The following APOB variants were observed in gnomAD, a reference collection of about 807,000 sequenced individuals.
APOB encodes apolipoprotein B-100.
APOB carries 153 observed loss-of-function variants against 314.1 expected under a neutral mutation model. That is an observed-to-expected ratio of 0.49 (90% confidence interval 0.43 to 0.56). APOB has a LOEUF of 0.56. Ranked by LOEUF, APOB falls within the 20% of genes least tolerant of loss-of-function variation. The pLI is 0.00. For missense variants in APOB, 5,430 were observed against 5,350.7 expected (o/e 1.01, Z -0.46); for synonymous variants, 2,087 against 2,036.4 (o/e 1.02, Z -0.67).
chr2:21,001,794 T>G lies in APOB; in HGVS notation c.13628A>C (p.Gln4543Pro). The change falls in exon 29 of 29, where the codon CAA becomes CCA. Residue 4543 changes from glutamine to proline, a missense_variant. Gln to Pro is a moderately conservative substitution (Grantham distance 76). Around this residue, in one of 3 missense-constraint regions of APOB, gnomAD observed 3,281 missense variants for 3,171.0 expected, o/e 1.03. Transcript: ENST00000233242. ...IYITELLKKL[Q>P]STTVMNPYMK... ...GTAGGGGTTCATGACTGTGGTTGAT[T>G]GCAGCTTTTTCAGTAACTCCGTGAT... 1.2e-6 allele frequency: 2 copies of G among 1,614,078 alleles called. No individual in the cohort carries two copies. The highest frequency in any genetic ancestry group is 1.7e-6 in the Non-Finnish European group (2 of 1,179,958).
Position 21,043,967 on chromosome 2 carries a change from T to C in APOB, c.-22A>G. 2 of 1,223,238 alleles carry C rather than the reference T, an allele frequency of 1.6e-6. No individual in the cohort carries two copies. The highest frequency in any genetic ancestry group is 2.8e-5 in the South Asian group (1 of 36,360). The allele number at this position is 1,223,238 out of a possible 1,614,324, so 75.8% of individuals were successfully genotyped here. A position where few individuals can be genotyped will look rare whatever the true frequency, so the allele number is the denominator to read the frequency against. Reference sequence around the variant, plus strand: ...CCATCGCCAGCTGCGGTGGGGCGGCTCCTGGGCTGCGGCCTGGCCTCGGCC... The same window carrying C: ...CCATCGCCAGCTGCGGTGGGGCGGCCCCTGGGCTGCGGCCTGGCCTCGGCC... On this transcript the variant is annotated 5_prime_UTR_variant, in exon 1 of 29. Coordinates refer to ENST00000233242, the MANE Select transcript of APOB (RefSeq NM_000384.3).
intron 23 of APOB, 110 bp from the exon 24 acceptor site, chr2:21,014,703 T>C (rs1015025290): frequency 9.0e-7 from 1 of 1,116,502 alleles, no homozygotes; most frequent in Non-Finnish European, 1.3e-6. Flanking sequence ...AGCTGGACAA[T>C]GCACTGAAAG....
At position 21,004,678 on chromosome 2, in the gene APOB, G is replaced by A. The variant is rs1406663903; in HGVS notation, c.11789-3C>T. On this transcript the variant is annotated splice_region_variant and splice_polypyrimidine_tract_variant and intron_variant, in intron 26 of 28. Transcript: ENST00000233242. ...TTCGATTTTGTGTGTTCCCAAAACT[G>A]TATAGGAGAGATTTTGTATTTTATT... 2.5e-6 allele frequency: 4 copies of A among 1,599,182 alleles called. No individual in the cohort carries two copies. Among genetic ancestry groups the A allele is most frequent in the Non-Finnish European group, 3.4e-6 (4 of 1,166,600 alleles).
At chr2:21,043,794 GC>G in intron 1 of APOB, 69 bp downstream of exon 1, 2 of 1,523,532 alleles carry the variant, frequency 1.3e-6, no homozygotes, top group Non-Finnish European at 8.8e-7. Context: ...GGCCCAGGCT[GC>G]CCCGGCCAAC....
rs953666080 is a variant in APOB at position 21,016,898 on chromosome 2, G to A, written c.3122-249C>T. On this transcript the variant is annotated intron_variant, in intron 20 of 28. Transcript: ENST00000233242. The stretch of plus-strand genomic sequence containing the variant: ...ACTCAGGAGGCTGAGGCAGGAGAAT[G>A]GCATGAACCCGGGAGGCGGGGCTTG... 1.2e-4 allele frequency among the ~76,000 whole-genome samples: 18 copies of A among 151,850 alleles called. 1 individual carries two copies. Among genetic ancestry groups the A allele is most frequent in the East Asian group, 5.8e-4 (3 of 5,146 alleles).
chr2:21,007,363 A>G lies in APOB; in HGVS notation c.9505T>C (p.Phe3169Leu), dbSNP rs1187956647. The change falls in exon 26 of 29, where the codon TTT (phenylalanine) becomes CTT (leucine). Residue 3169 changes from phenylalanine (F) to leucine (L), a missense_variant. Phe to Leu is a conservative substitution (Grantham distance 22). Around this residue, in one of 3 missense-constraint regions of APOB, gnomAD observed 3,281 missense variants for 3,171.0 expected, o/e 1.03. Coordinates refer to ENST00000233242, the MANE Select transcript of APOB (RefSeq NM_000384.3). Reference protein sequence around the residue: ...KEFLKTTKQSFDLSVKAQYKK... With the variant: ...KEFLKTTKQSLDLSVKAQYKK... ...TACTGAGCTTTTACACTTAAATCAA[A>G]TGATTGCTTTGTCGTTTTCAAGAAT... The G allele has an allele frequency of 6.2e-7, 1 of 1,614,062 alleles. No homozygotes were observed. Among genetic ancestry groups the G allele is most frequent in the Non-Finnish European group, 8.5e-7 (1 of 1,179,962 alleles).
chr2:21,003,163 T>C lies in APOB; in HGVS notation c.12259A>G (p.Lys4087Glu), dbSNP rs764263862. The change falls in exon 29 of 29, where the codon AAG becomes GAG. Residue 4087 changes from lysine (K) to glutamate (E), a missense_variant. Physicochemically the swap from Lys to Glu is moderately conservative, Grantham distance 56. Transcript: ENST00000233242. ...AGCCCTGTGTGTTCCCAGTGGTACT[T>C]GTTGACATAATCATAAAGGACCCCT... ...ATGVLYDYVNKYHWEHTGLTL... is the reference protein window; with the variant it reads ...ATGVLYDYVNEYHWEHTGLTL... 6.2e-7 allele frequency: 1 copy of C among 1,613,870 alleles called. No homozygotes were observed. The highest frequency in any genetic ancestry group is 8.5e-7 in the Non-Finnish European group (1 of 1,179,918).
In APOB at chr2:21,032,398, C is replaced by A. The variant is rs1309219373; in HGVS notation, c.1308G>T (p.Gln436His). The A allele has an allele frequency of 6.2e-7, 1 of 1,614,038 alleles. No homozygotes were observed. ...LREIFNMARD[Q>H]RSRATLYALS... ...GCGCATACAAGGTGGCTCGGCTGCG[C>A]TGATCCCTCGCCATGTTGAAGATCT... is the stretch of plus-strand genomic sequence containing the variant. Residue 436 changes from glutamine (Q) to histidine (H), a missense_variant, in exon 10 of 29, where the codon CAG (glutamine) becomes CAT (histidine). Gln to His is a conservative substitution (Grantham distance 24, BLOSUM62 0). Coordinates refer to ENST00000233242, the MANE Select transcript of APOB (RefSeq NM_000384.3).
At chr2:21,038,200 C>T (rs1664052025) in intron 4 of APOB, 89 bp from the exon 5 acceptor site, 8 of 1,421,312 alleles carry the variant, frequency 5.6e-6, no homozygotes, top group Non-Finnish European at 7.9e-6. Context: ...TTTCTTTTCT[C>T]ATATTTTTTT....
chr2:21,022,456 T>TG (rs1037469208), intron 18 of APOB, among the ~76,000 whole-genome samples: 3 of 152,318 alleles, frequency 2.0e-5, no homozygotes, highest in Admixed American at 6.5e-5. Flanking sequence ...AGGTATTTTT[T>TG]GGGGGGGAAA....
intron 10 of APOB, among the ~76,000 whole-genome samples, chr2:21,031,296 G>A (rs1422922867): frequency 6.6e-6 from 1 of 152,200 alleles, no homozygotes; most frequent in Non-Finnish European, 1.5e-5. Context: ...CATGTCATTT[G>A]CAGCAACATG....
chr2:21,001,937 A>G lies in APOB; in HGVS notation c.13485T>C (p.Phe4495=), dbSNP rs749634224. 10 of 1,614,096 alleles carry G rather than the reference A, an allele frequency of 6.2e-6. No individual in the cohort carries two copies. Among genetic ancestry groups the G allele is most frequent in the Middle Eastern group, 1.6e-4 (1 of 6,062 alleles). Residue 4495 remains phenylalanine, a synonymous_variant, in exon 29 of 29, where the codon TTT becomes TTC. Transcript: ENST00000233242. ...CTGAAAAATCTTGCAGTTTATATCT[A>G]AACTGCTGGTGGTAATCAGAAATTA... ...KKIISDYHQQ[F]RYKLQDFSDQ...
intron 10 of APOB, among the ~76,000 whole-genome samples, chr2:21,030,438 T>C (rs12720777): frequency 1.1e-3 from 173 of 152,118 alleles, no homozygotes; most frequent in Non-Finnish European, 2.1e-3. Flanking sequence ...TGTCACCATA[T>C]AAAAAAATCA....
chr2:21,043,843 G>T, intron 1 of APOB, 21 bp downstream of exon 1: 3 of 1,529,998 alleles, frequency 2.0e-6, no homozygotes, highest in South Asian at 1.2e-5. Context: ...CTCTGCGCCC[G>T]CAGAGCGGCC....
rs1431653014 is a variant in APOB at position 21,008,206 on chromosome 2, T to C, written c.8662A>G (p.Lys2888Glu). 1 of 1,614,084 alleles carries C rather than the reference T, an allele frequency of 6.2e-7. No homozygotes were observed. Among genetic ancestry groups the C allele is most frequent in the Non-Finnish European group, 8.5e-7 (1 of 1,179,966 alleles). The change falls in exon 26 of 29, where the codon AAA becomes GAA. Residue 2888 changes from lysine (K) to glutamate (E), a missense_variant. Coordinates refer to ENST00000233242, the MANE Select transcript of APOB (RefSeq NM_000384.3). ...NNQLTLDSNT[K>E]YFHKLNIPKL... ...GGGATGTTCAATTTGTGGAAGTATT[T>C]AGTGTTGCTATCCAGGGTAAGCTGA...
chr2:21,013,026 A>G lies in APOB; in HGVS notation c.4216+134T>C, dbSNP rs528467703. On this transcript the variant is annotated intron_variant, in intron 25 of 28. Coordinates refer to ENST00000233242, the MANE Select transcript of APOB (RefSeq NM_000384.3). ...TAATAAATATTTCTATTTGTTGAAT[A>G]AAATAAAAGACTTCCAAGTAGCAAG... 2.8e-6 allele frequency: 3 copies of G among 1,069,188 alleles called. No homozygotes were observed. In the African/African-American group the frequency reaches 4.8e-5, roughly 17 times the overall value. The allele number at this position is 1,069,188 out of a possible 1,614,324, so 66.2% of individuals were successfully genotyped here.
chr2:21,038,705 C>T (rs769065662), intron 4 of APOB, among the ~76,000 whole-genome samples: 25 of 152,270 alleles, frequency 1.6e-4, no homozygotes, highest in Non-Finnish European at 2.8e-4. Flanking sequence ...TCTCTTTGCC[C>T]ATCCTCCCCA....
chr2:21,008,339 C>T lies in APOB; in HGVS notation c.8529G>A (p.Met2843Ile). The change falls in exon 26 of 29, where the codon ATG becomes ATA. Residue 2843 changes from methionine (M) to isoleucine (I), a missense_variant. Physicochemically the swap from Met to Ile is conservative, Grantham distance 10 (BLOSUM62 1). Coordinates refer to ENST00000233242, the MANE Select transcript of APOB (RefSeq NM_000384.3). ...KYLRTEHGSE[M>I]LFFGNAIEGK... ...CCTCAATAGCATTTCCAAAAAACAG[C>T]ATTTCACTCCCATGCTCCGTTCTCA... 2 of 1,613,276 alleles carry T rather than the reference C, an allele frequency of 1.2e-6. No individual in the cohort carries two copies. Among genetic ancestry groups the T allele is most frequent in the African/African-American group, 1.3e-5 (1 of 74,974 alleles).
Position 21,002,644 on chromosome 2 carries a change from G to T in APOB, c.12778C>A (p.His4260Asn). Residue 4260 changes from histidine to asparagine, a missense_variant, in exon 29 of 29, where the codon CAT becomes AAT. By Grantham distance (68) the His-to-Asn change is moderately conservative (BLOSUM62 1). Transcript: ENST00000233242. ...ATCGAGATTACATCTATTAGTTTATGTTTCCTTAACTCGAAAGGAAGTGTA... is the reference window on the plus strand; with the variant it reads ...ATCGAGATTACATCTATTAGTTTATTTTTCCTTAACTCGAAAGGAAGTGTA... Reference protein sequence around the residue: ...VITLPFELRKHKLIDVISMYR... With the variant: ...VITLPFELRKNKLIDVISMYR... 1 of 1,613,732 alleles carries T rather than the reference G, an allele frequency of 6.2e-7. No individual in the cohort carries two copies. The highest frequency in any genetic ancestry group is 8.5e-7 in the Non-Finnish European group (1 of 1,179,826).
Sources: allele counts gnomAD v4.1 joint callset (sites outside exome capture counted in the v4.1 genomes callset), GRCh38; gene constraint gnomAD v4.1.1; regional missense constraint gnomAD v4.1.1; transcripts MANE v1.5; gene names NCBI Gene and HGNC (gene_info 2026-07-23, HGNC 2026-07-21).